The following CERS1 variants were observed in gnomAD, a reference collection of about 807,000 sequenced individuals.
CERS1 encodes ceramide synthase 1.
A neutral mutation model predicts 35.7 loss-of-function variants in CERS1; 16 were observed. The ratio of observed to expected loss-of-function variants is 0.45; its 90% CI spans 0.30 to 0.68. The LOEUF is 0.68. Ranked by LOEUF, CERS1 falls within the 30% of genes least tolerant of loss-of-function variation. CERS1 has a pLI of 0.08. For missense variants in CERS1, 454 were observed against 453.9 expected (o/e 1.00, Z 0.00); for synonymous variants, 243 against 201.6 (o/e 1.21, Z -1.74).
chr19:18,875,234 T>TAA (rs869211539), intron 6 of CERS1, among the ~76,000 whole-genome samples: 1,565 of 122,236 alleles, frequency 0.013, 25 homozygotes, highest in African/African-American at 0.046. Context: ...GGACCGTCTC[T>TAA]AAAAAAAAAA....
At chr19:18,886,241 G>C (rs924961071) in intron 2 of CERS1, among the ~76,000 whole-genome samples, 2 of 150,066 alleles carry the variant, frequency 1.3e-5, no homozygotes, top group African/African-American at 5.1e-5. Context: ...CGCTGTCTCT[G>C]CAAAAAAATA....
At chr19:18,871,499 G>A (rs2055969615) in intron 6 of CERS1, among the ~76,000 whole-genome samples, 1 of 152,154 alleles carries the variant, frequency 6.6e-6, no homozygotes, top group African/African-American at 2.4e-5. Flanking sequence ...TGGGATTACA[G>A]GCGTGAGCCA....
Position 18,895,558 on chromosome 19 carries a change from T to C in CERS1, c.249+266A>G, listed in dbSNP as rs2056605146. 6.7e-6 allele frequency among the ~76,000 whole-genome samples: 1 copy of C among 148,260 alleles called. No homozygotes were observed. The highest frequency in any genetic ancestry group is 6.7e-5 in the Admixed American group (1 of 14,996). On this transcript the variant is annotated intron_variant, in intron 1 of 7. Transcript: ENST00000623882. The surrounding 1 kb of genome is among the most constrained non-coding windows in gnomAD (Gnocchi z 6.4). The stretch of plus-strand genomic sequence containing the variant: ...GTCTCGGGCCCCCCATGTCCCAGAC[T>C]CACCCCAGCCCGGCCACACCCCCGC...
At chr19:18,890,529 C>T (rs1445273488) in intron 2 of CERS1, among the ~76,000 whole-genome samples, 1 of 151,358 alleles carries the variant, frequency 6.6e-6, no homozygotes, top group African/African-American at 2.4e-5. Flanking sequence ...TGTAATCCCA[C>T]CACTTTGGGA....
In CERS1 at chr19:18,874,270, A is replaced by T. The variant is rs1165439606; in HGVS notation, c.1011-3651T>A. ...AACCCTCAGGAGAGAAGATGCTCCTACATGGGCCAGATGTAGGTGCTGAAG... is the reference window on the plus strand; with the variant it reads ...AACCCTCAGGAGAGAAGATGCTCCTTCATGGGCCAGATGTAGGTGCTGAAG... On this transcript the variant is annotated intron_variant, in intron 6 of 7. Coordinates refer to ENST00000623882, the MANE Select transcript of CERS1 (RefSeq NM_021267.5). Among the ~76,000 whole-genome samples, 11 of 152,186 alleles carry T rather than the reference A, an allele frequency of 7.2e-5. No homozygotes were observed. The East Asian group carries it at 2.1e-3, about 29-fold the overall frequency.
At chr19:18,879,084 G>A (rs750119081) in intron 5 of CERS1, 45 bp from the exon 6 acceptor site, 44 of 1,603,486 alleles carry the variant, frequency 2.7e-5, no homozygotes, top group Middle Eastern at 3.3e-4. Flanking sequence ...AAGCCCCCAC[G>A]CCACTGCCCT....
Position 18,878,811 on chromosome 19 carries a change from G to T in CERS1, c.1010+119C>A, listed in dbSNP as rs986231487. On this transcript the variant is annotated intron_variant, in intron 6 of 7. Transcript: ENST00000623882. The surrounding 1 kb of genome is among the most constrained non-coding windows in gnomAD (Gnocchi z 4.6). ...GCAGTCTCTGTTTTGGAGTAGGCTT[G>T]GGGGGCAGCATCCGCGTCGGCCTCA... 1.3e-6 allele frequency: 2 copies of T among 1,491,210 alleles called. No homozygotes were observed. Among genetic ancestry groups the T allele is most frequent in the African/African-American group, 1.4e-5 (1 of 72,086 alleles). The allele number at this position is 1,491,210 out of a possible 1,614,324, so 92.4% of individuals were successfully genotyped here. A position where few individuals can be genotyped will look rare whatever the true frequency, so the allele number is the denominator to read the frequency against.
intron 2 of CERS1, 24 bp downstream of exon 2, chr19:18,893,392 C>G (rs749942853): frequency 6.3e-7 from 1 of 1,586,170 alleles, no homozygotes; most frequent in Non-Finnish European, 8.6e-7. Flanking sequence ...AGAGCCCTCC[C>G]GGCCATCCCC....
In CERS1 at chr19:18,878,535, C is replaced by T; in HGVS notation, c.1010+395G>A. 10 of 1,032,412 alleles carry T rather than the reference C, an allele frequency of 9.7e-6. No individual in the cohort carries two copies. The highest frequency in any genetic ancestry group is 1.2e-5 in the Non-Finnish European group (10 of 857,340). The allele number at this position is 1,032,412 out of a possible 1,614,324, so 64.0% of individuals were successfully genotyped here. A position where few individuals can be genotyped will look rare whatever the true frequency, so the allele number is the denominator to read the frequency against. The stretch of plus-strand genomic sequence containing the variant: ...GTGGCCCTTGGCGTTCCTTCCTCCC[C>T]AGCCCCACTGCCACCAGCTCCAGTG... On this transcript the variant is annotated intron_variant, in intron 6 of 7. Transcript: ENST00000623882. This position sits in a 1 kb window ranked among gnomAD's most constrained non-coding sequence, Gnocchi z 4.6.
chr19:18,887,418 C>T (rs915409859), intron 2 of CERS1, among the ~76,000 whole-genome samples: 4 of 152,140 alleles, frequency 2.6e-5, no homozygotes, highest in Non-Finnish European at 5.9e-5. Flanking sequence ...ATGTTCCAGA[C>T]CTAGACAGAG....
At position 18,895,814 on chromosome 19, in the gene CERS1, C is replaced by T; in HGVS notation, c.249+10G>A. The T allele has an allele frequency of 8.0e-7, 1 of 1,252,344 alleles. No individual in the cohort carries two copies. The highest frequency in any genetic ancestry group is 1.0e-6 in the Non-Finnish European group (1 of 993,382). 77.6% of individuals were successfully genotyped at this position (1,252,344 alleles called of 1,614,324 possible). On this transcript the variant is annotated intron_variant, in intron 1 of 7. Transcript: ENST00000623882. This position sits in a 1 kb window ranked among gnomAD's most constrained non-coding sequence, Gnocchi z 6.4. ...GGGGTCCCCTCGTCCCGGCCCCCGG[C>T]CACACTGACCCGAAAGAGGCGCGCA...
Position 18,893,579 on chromosome 19 carries a change from TG to T in CERS1, c.250-5del. On this transcript the variant is annotated splice_polypyrimidine_tract_variant and splice_region_variant and intron_variant, in intron 1 of 7. Transcript: ENST00000623882. ...GGCAGCACCGCTTCGCCAGGGGCTA[TG>T]GGGGAGAAGACAGGCGGGCAGCCAT... 6.2e-7 allele frequency: 1 copy of T among 1,605,804 alleles called. No individual in the cohort carries two copies. The highest frequency in any genetic ancestry group is 1.1e-5 in the South Asian group (1 of 89,634).
chr19:18,880,243 C>T (rs1568298715), intron 4 of CERS1, 31 bp downstream of exon 4: 5 of 1,524,100 alleles, frequency 3.3e-6, no homozygotes, highest in Admixed American at 4.0e-5. Flanking sequence ...GGCCACACCT[C>T]CCTCCCTGCC....
chr19:18,869,428 T>C (rs2055921036), intron 7 of CERS1, 38 bp from the exon 8 acceptor site: 3 of 1,517,418 alleles, frequency 2.0e-6, no homozygotes, highest in South Asian at 2.4e-5. Context: ...TCGCGCTGCG[T>C]CCCCGGCCTG....
intron 3 of CERS1, among the ~76,000 whole-genome samples, chr19:18,880,822 G>C (rs895193926): frequency 6.6e-6 from 1 of 151,850 alleles, no homozygotes; most frequent in Admixed American, 6.6e-5. Flanking sequence ...CTCAGCCCCC[G>C]GAGAAGCTGG....
At position 18,895,603 on chromosome 19, in the gene CERS1, G is replaced by A. The variant is rs550982791; in HGVS notation, c.249+221C>T. Among the ~76,000 whole-genome samples the A allele has an allele frequency of 1.2e-3, 175 of 150,436 alleles. No homozygotes were observed. Among genetic ancestry groups the A allele is most frequent in the South Asian group, 0.011 (51 of 4,710 alleles). ...CCCCGCATCTACCCGGTTCCCCCAC[G>A]CAGCACTGTCTGAAGGGGGCGCGCG... On this transcript the variant is annotated intron_variant, in intron 1 of 7. Coordinates refer to ENST00000623882, the MANE Select transcript of CERS1 (RefSeq NM_021267.5). This position sits in a 1 kb window ranked among gnomAD's most constrained non-coding sequence, Gnocchi z 6.4.
intron 6 of CERS1, among the ~76,000 whole-genome samples, chr19:18,875,510 T>A (rs10424950): frequency 0.03 from 4,533 of 148,690 alleles, 240 homozygotes; most frequent in African/African-American, 0.11. Context: ...ACCACTGCAC[T>A]CCAGCCTGGG....
At position 18,889,387 on chromosome 19, in the gene CERS1, A is replaced by T. The variant is rs189105903; in HGVS notation, c.409+4029T>A. Among the ~76,000 whole-genome samples, 8 of 152,050 alleles carry T rather than the reference A, an allele frequency of 5.3e-5. No homozygotes were observed. In the East Asian group the frequency reaches 1.2e-3, roughly 22 times the overall value. On this transcript the variant is annotated intron_variant, in intron 2 of 7. Transcript: ENST00000623882. The stretch of plus-strand genomic sequence containing the variant: ...CTCCTTCCCCACAGGATAGGGGGGA[A>T]GTCCTGGCTTAGTTCAGAGGTCTCA...
chr19:18,879,508 C>T lies in CERS1; in HGVS notation c.753-120G>A. ...TATCCCATCCTTGCCCACCTCTGCCCACCTGTTTCTACTACTGCTCTGTCC... is the reference window on the plus strand; with the variant it reads ...TATCCCATCCTTGCCCACCTCTGCCTACCTGTTTCTACTACTGCTCTGTCC... On this transcript the variant is annotated intron_variant, in intron 4 of 7. Coordinates refer to ENST00000623882, the MANE Select transcript of CERS1 (RefSeq NM_021267.5). The T allele has an allele frequency of 2.5e-6, 3 of 1,223,236 alleles. No individual in the cohort carries two copies. In the East Asian group the frequency reaches 7.7e-5, roughly 31 times the overall value. 75.8% of individuals were successfully genotyped at this position (1,223,236 alleles called of 1,614,324 possible). A position where few individuals can be genotyped will look rare whatever the true frequency, so the allele number is the denominator to read the frequency against.
Sources: allele counts gnomAD v4.1 joint callset (sites outside exome capture counted in the v4.1 genomes callset), GRCh38; gene constraint gnomAD v4.1.1; non-coding constraint Gnocchi (gnomAD v3.1); transcripts MANE v1.5; gene names NCBI Gene and HGNC (gene_info 2026-07-23, HGNC 2026-07-21).